The following WSCD2 variants were observed in gnomAD, a reference collection of about 807,000 sequenced individuals.
WSCD2 encodes the protein WSC domain sialate O sulfotransferase 2.
Under a neutral mutation model 55.7 loss-of-function variants are expected in WSCD2, and 28 were observed. That is an observed-to-expected ratio of 0.50 (90% CI 0.37 to 0.69). The LOEUF is 0.69. Ranked by LOEUF, WSCD2 falls within the 30% of genes least tolerant of loss-of-function variation. WSCD2 has a pLI of 0.00. For synonymous variants in WSCD2, 301 were observed against 301.9 expected, an observed-to-expected ratio of 1.00 and a Z score of 0.03; for missense variants, 616 against 762.1, an observed-to-expected ratio of 0.81 and a Z score of 2.26.
At chr12:108,216,322 C>T (rs760505819) in intron 4 of WSCD2, among the ~76,000 whole-genome samples, 6 of 152,210 alleles carry the variant, frequency 3.9e-5, no homozygotes, top group Non-Finnish European at 7.3e-5. Context: ...ATACACACAA[C>T]ATACTTAGCA....
At position 108,227,152 on chromosome 12, in the gene WSCD2, A is replaced by G; in HGVS notation, c.967A>G (p.Thr323Ala). 1 of 1,613,606 alleles carries G rather than the reference A, an allele frequency of 6.2e-7. No individual in the cohort carries two copies. ...GTPSYFIVYQ[T>A]QVQDNRCMDR... ...TCCTAGTTACTTCATTGTGTACCAG[A>G]CACAAGTCCAAGGTGAGCTAGGCCC... The change falls in exon 6 of 9, where the codon ACA becomes GCA. Residue 323 changes from threonine (T) to alanine (A), a missense_variant. Physicochemically the swap from Thr to Ala is moderately conservative, Grantham distance 58 (BLOSUM62 0). This residue lies in a region of WSCD2 where 374 missense variants were observed against 467.4 expected (regional missense o/e 0.80). Transcript: ENST00000547525.
chr12:108,214,913 A>G (rs981540154), intron 4 of WSCD2, among the ~76,000 whole-genome samples: 4 of 152,184 alleles, frequency 2.6e-5, no homozygotes, highest in Non-Finnish European at 4.4e-5. Context: ...TCCCAAAGTT[A>G]GGAGAATTTT....
intron 1 of WSCD2, among the ~76,000 whole-genome samples, chr12:108,174,066 T>C (rs1175739086): frequency 6.6e-6 from 1 of 152,122 alleles, no homozygotes. Context: ...TGCTGAATTA[T>C]GATCACTGTC....
intron 4 of WSCD2, among the ~76,000 whole-genome samples, chr12:108,218,956 T>G (rs1393187621): frequency 1.3e-5 from 2 of 152,202 alleles, no homozygotes. Flanking sequence ...CATTTCCCCT[T>G]GCACTGGGGA....
In WSCD2 at chr12:108,207,956, G is replaced by T. The variant is rs538108724; in HGVS notation, c.497+1553G>T. ...GAGAGGGATAACATAGTCAGATAAG[G>T]GTTGAGATGGAAGAATCGCAGGCAG... On this transcript the variant is annotated intron_variant, in intron 3 of 8. Transcript: ENST00000547525. Among the ~76,000 whole-genome samples the T allele has an allele frequency of 7.6e-4, 116 of 152,300 alleles. 2 individuals carry two copies. Among genetic ancestry groups the T allele is most frequent in the Non-Finnish European group, 8.8e-5 (6 of 68,034 alleles).
At chr12:108,245,863 A>G (rs936051881) in intron 8 of WSCD2, among the ~76,000 whole-genome samples, 23 of 152,256 alleles carry the variant, frequency 1.5e-4, no homozygotes, top group African/African-American at 5.1e-4. Flanking sequence ...GATAAAAAAT[A>G]TCCTTGTCAG....
At chr12:108,145,657 A>T (rs1792321995) in intron 1 of WSCD2, among the ~76,000 whole-genome samples, 1 of 152,240 alleles carries the variant, frequency 6.6e-6, no homozygotes, top group East Asian at 1.9e-4. Context: ...CTCAACAGAA[A>T]TCGGTATACA....
Position 108,248,160 on chromosome 12 carries a change from C to T in WSCD2, c.1515C>T (p.Asp505=). 1 of 1,614,178 alleles carries T rather than the reference C, an allele frequency of 6.2e-7. No homozygotes were observed. The highest frequency in any genetic ancestry group is 8.5e-7 in the Non-Finnish European group (1 of 1,180,030). ...TGCTGGGCGTGGCTGTCAGGGAGGA[C>T]CGGCTGCTCTGTGTGGAGAGCCAGA... ...VSLLGVAVRE[D]RLLCVESQKD... Residue 505 remains aspartate, a synonymous_variant, in exon 9 of 9, where the codon GAC becomes GAT. Coordinates refer to ENST00000547525, the MANE Select transcript of WSCD2 (RefSeq NM_014653.4). This position sits in a 1 kb window ranked among gnomAD's most constrained non-coding sequence, Gnocchi z 4.3.
chr12:108,248,479 A>G lies in WSCD2; in HGVS notation c.*136A>G, dbSNP rs1042561961. The G allele has an allele frequency of 1.4e-5, 20 of 1,435,356 alleles. No individual in the cohort carries two copies. Among genetic ancestry groups the G allele is most frequent in the South Asian group, 9.0e-5 (6 of 66,478 alleles). The allele number at this position is 1,435,356 out of a possible 1,614,324, so 88.9% of individuals were successfully genotyped here. On this transcript the variant is annotated 3_prime_UTR_variant, in exon 9 of 9. Transcript: ENST00000547525. This position sits in a 1 kb window ranked among gnomAD's most constrained non-coding sequence, Gnocchi z 4.3. ...TCCCCTTGGCTGCTCTTTGCCTTCA[A>G]TGAGTTTCCTGCATGACAGAGGAGG...
chr12:108,196,192 C>A lies in WSCD2; in HGVS notation c.360C>A (p.Val120=). ...GCCGAGCCCTCAAGGGGAGGGTTGT[C>A]CGGGAGAAGGAGGAAGAGCGAGGTA... is the stretch of plus-strand genomic sequence containing the variant. ...AWSRALKGRV[V]REKEEERAKY... The change falls in exon 2 of 9, where the codon GTC becomes GTA. Residue 120 remains valine, a synonymous_variant. Coordinates refer to ENST00000547525, the MANE Select transcript of WSCD2 (RefSeq NM_014653.4). The A allele has an allele frequency of 6.2e-7, 1 of 1,613,634 alleles. No homozygotes were observed. The highest frequency in any genetic ancestry group is 1.7e-5 in the Admixed American group (1 of 59,964).
rs114331602 is a variant in WSCD2 at position 108,164,769 on chromosome 12, C to T, written c.-551-30513C>T. ...ACAGCTTTCTCTCCAACAGATCTAC[C>T]CACATCTCCACATTGTGTGGGTCAC... On this transcript the variant is annotated intron_variant, in intron 1 of 8. Coordinates refer to ENST00000547525, the MANE Select transcript of WSCD2 (RefSeq NM_014653.4). 2.1e-3 allele frequency among the ~76,000 whole-genome samples: 323 copies of T among 152,044 alleles called. 1 individual carries two copies. The highest frequency in any genetic ancestry group is 7.1e-3 in the African/African-American group (296 of 41,468).
In WSCD2 at chr12:108,249,567, A is replaced by G. The variant is rs1036649673; in HGVS notation, c.*1224A>G. On this transcript the variant is annotated 3_prime_UTR_variant, in exon 9 of 9. Coordinates refer to ENST00000547525, the MANE Select transcript of WSCD2 (RefSeq NM_014653.4). ...CCTGGATACCAGTAGCTTCCCACCCAGTCCAAACCTGCACCATCCATCATT... is the reference window on the plus strand; with the variant it reads ...CCTGGATACCAGTAGCTTCCCACCCGGTCCAAACCTGCACCATCCATCATT... 1 of 152,592 alleles carries G rather than the reference A, an allele frequency of 6.6e-6. No homozygotes were observed. Among genetic ancestry groups the G allele is most frequent in the African/African-American group, 2.4e-5 (1 of 41,436 alleles). 9.5% of individuals were successfully genotyped at this position (152,592 alleles called of 1,614,324 possible). A position where few individuals can be genotyped will look rare whatever the true frequency, so the allele number is the denominator to read the frequency against.
At chr12:108,166,907 A>C (rs1206750615) in intron 1 of WSCD2, among the ~76,000 whole-genome samples, 1 of 148,534 alleles carries the variant, frequency 6.7e-6, no homozygotes, top group Non-Finnish European at 1.5e-5. Flanking sequence ...CGCCTCCCGG[A>C]TCCAAGTGAT....
At chr12:108,140,074 G>A (rs908836065) in intron 1 of WSCD2, among the ~76,000 whole-genome samples, 1 of 152,178 alleles carries the variant, frequency 6.6e-6, no homozygotes, top group Admixed American at 6.5e-5. Context: ...TCAGCCCAGG[G>A]CAAGAACTCA....
chr12:108,246,024 C>G (rs141610305), intron 8 of WSCD2, among the ~76,000 whole-genome samples: 3 of 152,208 alleles, frequency 2.0e-5, no homozygotes, highest in Admixed American at 2.0e-4. Context: ...GTTCAACAAC[C>G]GTTCACTGAG....
chr12:108,158,627 G>A (rs1033501036), intron 1 of WSCD2, among the ~76,000 whole-genome samples: 1 of 152,088 alleles, frequency 6.6e-6, no homozygotes, highest in Admixed American at 6.5e-5. Context: ...GAAGATAGAG[G>A]TGGCAATGAT....
chr12:108,173,804 G>GGCTC (rs1223915072), intron 1 of WSCD2, among the ~76,000 whole-genome samples: 4 of 58,532 alleles, frequency 6.8e-5, no homozygotes, highest in East Asian at 1.3e-3. Flanking sequence ...GCTGATTCCT[G>GGCTC]GCTCTCTGTG....
intron 4 of WSCD2, among the ~76,000 whole-genome samples, chr12:108,215,346 G>GGCGTCTGGTGCT (rs1373536422): frequency 6.6e-6 from 1 of 152,164 alleles, no homozygotes; most frequent in East Asian, 1.9e-4. Context: ...GTTCTTTCTA[G>GGCGTCTGGTGCT]GCGTCTGGTG....
At chr12:108,227,203 C>T (rs762889093) in intron 6 of WSCD2, 39 bp downstream of exon 6, 15 of 1,586,246 alleles carry the variant, frequency 9.5e-6, no homozygotes, top group Non-Finnish European at 1.3e-5. Flanking sequence ...CAGATGCACT[C>T]CCAGTGGCTT....
Sources: allele counts gnomAD v4.1 joint callset (sites outside exome capture counted in the v4.1 genomes callset), GRCh38; gene constraint gnomAD v4.1.1; regional missense constraint gnomAD v4.1.1; non-coding constraint Gnocchi (gnomAD v3.1); transcripts MANE v1.5; gene names NCBI Gene and HGNC (gene_info 2026-07-23, HGNC 2026-07-21).